Variants in ZBTB20 observed in about 807,000 individuals in gnomAD.
The protein encoded by ZBTB20 is zinc finger and BTB domain containing 20, also known as zinc finger and BTB domain-containing protein 20.
A neutral mutation model predicts 56.9 loss-of-function variants in ZBTB20; 9 were observed. The ratio of observed to expected loss-of-function variants is 0.16; its 90% CI spans 0.10 to 0.28. ZBTB20 has a LOEUF of 0.28. ZBTB20 is among the 10% of genes least tolerant of loss of function. ZBTB20 has a pLI of 1.00. For synonymous variants in ZBTB20, 417 were observed against 420.7 expected (o/e 0.99, Z 0.11); for missense variants, 655 against 1,003.0 (o/e 0.65, Z 4.69).
intron 7 of ZBTB20, among the ~76,000 whole-genome samples, chr3:114,438,283 TA>T (rs2090658558): frequency 6.6e-6 from 1 of 152,002 alleles, no homozygotes; most frequent in African/African-American, 2.4e-5. Flanking sequence ...GTACCTAGGC[TA>T]AGATAATCTT....
intron 5 of ZBTB20, among the ~76,000 whole-genome samples, chr3:114,717,308 C>T (rs1214780298): frequency 6.6e-6 from 1 of 151,996 alleles, no homozygotes; most frequent in Non-Finnish European, 1.5e-5. Context: ...TACAGAATAC[C>T]ATAAAGGAAC....
chr3:114,828,812 T>C (rs978630461), intron 4 of ZBTB20, among the ~76,000 whole-genome samples: 7 of 151,932 alleles, frequency 4.6e-5, no homozygotes, highest in African/African-American at 1.4e-4. Flanking sequence ...TTGGCTAAAC[T>C]TACAGTTTCA....
intron 6 of ZBTB20, among the ~76,000 whole-genome samples, chr3:114,576,914 A>G (rs2054136033): frequency 6.6e-6 from 1 of 152,112 alleles, no homozygotes; most frequent in Non-Finnish European, 1.5e-5. Flanking sequence ...ATATTAGTTA[A>G]TTTAATTAAC....
chr3:114,602,275 A>G (rs1488900470), intron 6 of ZBTB20, among the ~76,000 whole-genome samples: 6 of 152,046 alleles, frequency 3.9e-5, no homozygotes, highest in Non-Finnish European at 4.4e-5. Flanking sequence ...ATGTCTGTAG[A>G]AAGTTTGACA....
rs202184036 is a variant in ZBTB20, at chr3:114,912,512, T to C, written c.-455-12170A>G. Among the ~76,000 whole-genome samples the C allele has an allele frequency of 2.0e-5, 3 of 152,076 alleles. No individual in the cohort carries two copies. The East Asian group carries it at 5.8e-4, about 29-fold the overall frequency. On this transcript the variant is annotated intron_variant, in intron 3 of 11. Transcript: ENST00000675478. ...TAAGTATATATATTTATGGGGTACA[T>C]GAGATATTTTGATATAGGCACATAA...
Position 114,327,428 on chromosome 3 carries a change from G to A in ZBTB20, c.*11577C>T, listed in dbSNP as rs1242833337. ...AGTGCCTAAGGAGAGGATTACTTTAGATAAAGAGTACTTTAAGAAAAAAAA... is the reference window on the plus strand; with the variant it reads ...AGTGCCTAAGGAGAGGATTACTTTAAATAAAGAGTACTTTAAGAAAAAAAA... On this transcript the variant is annotated 3_prime_UTR_variant, in exon 12 of 12. Coordinates refer to ENST00000675478, the MANE Select transcript of ZBTB20 (RefSeq NM_001348800.3). The A allele has an allele frequency of 6.6e-6, 1 of 151,700 alleles. No individual in the cohort carries two copies. Among genetic ancestry groups the A allele is most frequent in the East Asian group, 1.9e-4 (1 of 5,168 alleles). 9.4% of individuals were successfully genotyped at this position (151,700 alleles called of 1,614,324 possible). A position where few individuals can be genotyped will look rare whatever the true frequency, so the allele number is the denominator to read the frequency against.
At chr3:115,018,458 T>A (rs2080069260) in intron 2 of ZBTB20, among the ~76,000 whole-genome samples, 1 of 151,508 alleles carries the variant, frequency 6.6e-6, no homozygotes, top group African/African-American at 2.4e-5. Context: ...CCATCTTTTG[T>A]TCTTTGATCT....
chr3:114,726,812 T>G (rs2108517991), intron 5 of ZBTB20, among the ~76,000 whole-genome samples: 1 of 144,870 alleles, frequency 6.9e-6, no homozygotes, highest in Non-Finnish European at 1.5e-5. Context: ...CTCAGGAGGC[T>G]GAGGCAGGAT....
At position 114,349,654 on chromosome 3, in the gene ZBTB20, C is replaced by A. The variant is rs543101032; in HGVS notation, c.1804+620G>T. Among the ~76,000 whole-genome samples, 113 of 152,324 alleles carry A rather than the reference C, an allele frequency of 7.4e-4. 1 individual carries two copies. The highest frequency in any genetic ancestry group is 2.6e-3 in the African/African-American group (110 of 41,570). ...GCATCCAATCATTGGTCTAGTTCCA[C>A]CTTTTGGAGCCAAACTATACAAACT... On this transcript the variant is annotated intron_variant, in intron 11 of 11. Coordinates refer to ENST00000675478, the MANE Select transcript of ZBTB20 (RefSeq NM_001348800.3).
chr3:114,535,902 G>A (rs1375709827), intron 6 of ZBTB20, among the ~76,000 whole-genome samples: 1 of 152,204 alleles, frequency 6.6e-6, no homozygotes. Flanking sequence ...AAAGCCACAT[G>A]ATTATCTCAA....
intron 6 of ZBTB20, among the ~76,000 whole-genome samples, chr3:114,662,252 G>C (rs947358347): frequency 2.0e-5 from 3 of 151,850 alleles, no homozygotes; most frequent in Non-Finnish European, 4.4e-5. Flanking sequence ...TTTTATGGCT[G>C]CATAGTATTC....
chr3:114,727,600 A>T (rs2948670), intron 5 of ZBTB20, among the ~76,000 whole-genome samples: 2,077 of 152,338 alleles, frequency 0.014, 52 homozygotes, highest in African/African-American at 0.046. Context: ...AAATGCTCTG[A>T]GAGACTATTT....
At chr3:114,973,617 C>T (rs752218539) in intron 3 of ZBTB20, among the ~76,000 whole-genome samples, 15 of 152,180 alleles carry the variant, frequency 9.9e-5, no homozygotes, top group African/African-American at 3.4e-4. Context: ...AGCTATCACA[C>T]ATGCTTAAGT....
At chr3:114,891,144 C>T (rs2076791743) in intron 4 of ZBTB20, among the ~76,000 whole-genome samples, 1 of 152,148 alleles carries the variant, frequency 6.6e-6, no homozygotes, top group Non-Finnish European at 1.5e-5. Flanking sequence ...TGTCAAAGTA[C>T]TGTCTTCAGA....
intron 6 of ZBTB20, chr3:114,527,491 A>T (rs1179677874): frequency 6.6e-6 from 1 of 152,226 alleles, no homozygotes; most frequent in Non-Finnish European, 1.5e-5. Context: ...CTGTCCACAG[A>T]CATTCTTGGA....
intron 7 of ZBTB20, among the ~76,000 whole-genome samples, chr3:114,451,647 G>A (rs768242976): frequency 6.6e-6 from 1 of 151,960 alleles, no homozygotes; most frequent in Non-Finnish European, 1.5e-5. Context: ...GAGGGGAGAA[G>A]GAAATTAAAT....
At chr3:114,988,879 G>A (rs1179739222) in intron 2 of ZBTB20, among the ~76,000 whole-genome samples, 1 of 152,108 alleles carries the variant, frequency 6.6e-6, no homozygotes, top group African/African-American at 2.4e-5. Context: ...TCATGTCTCT[G>A]TTGGCTGCAT....
At position 114,930,385 on chromosome 3, in the gene ZBTB20, G is replaced by C. The variant is rs1055536685; in HGVS notation, c.-455-30043C>G. The stretch of plus-strand genomic sequence containing the variant: ...TATCCTATTTTGTGCTAGGCACTTA[G>C]ACAATGTTTTATTATTTAATTGAAA... On this transcript the variant is annotated intron_variant, in intron 3 of 11. Coordinates refer to ENST00000675478, the MANE Select transcript of ZBTB20 (RefSeq NM_001348800.3). Among the ~76,000 whole-genome samples the C allele has an allele frequency of 4.6e-5, 7 of 152,200 alleles. No individual in the cohort carries two copies. The South Asian group carries it at 1.4e-3, about 31-fold the overall frequency.
At chr3:114,952,137 G>C (rs1400993672) in intron 3 of ZBTB20, among the ~76,000 whole-genome samples, 1 of 151,746 alleles carries the variant, frequency 6.6e-6, no homozygotes, top group Non-Finnish European at 1.5e-5. Context: ...AGTGTGCTAT[G>C]TGTTGAATGC....
Sources: allele counts gnomAD v4.1 joint callset (sites outside exome capture counted in the v4.1 genomes callset), GRCh38; gene constraint gnomAD v4.1.1; transcripts MANE v1.5; gene names NCBI Gene and HGNC (gene_info 2026-07-23, HGNC 2026-07-21).